OR51B4: variants seen among roughly 807,000 people sequenced by gnomAD.
OR51B4 encodes the protein olfactory receptor family 51 subfamily B member 4.
For synonymous variants in OR51B4, 147 were observed against 140.8 expected, an observed-to-expected ratio of 1.04 and a Z score of -0.31; for missense variants, 402 against 379.8, an observed-to-expected ratio of 1.06 and a Z score of -0.49.
rs139788658 is a variant in OR51B4, at chr11:5,301,387, G to C, written c.560C>G (p.Ala187Gly). The C allele has an allele frequency of 6.3e-5, 102 of 1,614,106 alleles. No homozygotes were observed. Among genetic ancestry groups the C allele is most frequent in the Admixed American group, 4.5e-4 (27 of 60,006 alleles). ...ATATATGTGATTAAACGTGATATCA[G>C]CACAGGCGAGTTTTATGACATCTTG... Reference protein sequence around the residue: ...LHQDVIKLACADITFNHIYPI... With the variant: ...LHQDVIKLACGDITFNHIYPI... The change falls in exon 1 of 1, where the codon GCT becomes GGT. Residue 187 changes from alanine (A) to glycine (G), a missense_variant. Coordinates refer to ENST00000380224, the MANE Select transcript of OR51B4 (RefSeq NM_033179.2).
Position 5,301,038 on chromosome 11 carries a change from T to A in OR51B4, c.909A>T (p.Leu303=), listed in dbSNP as rs766151381. The change falls in exon 1 of 1, where the codon CTA becomes CTT. Residue 303 remains leucine (L), a synonymous_variant. Transcript: ENST00000380224. ...CTCAAGCCCTACTCTGCCCAGAAAA[T>A]AGGCGAATAATGCTTCTTTGAATCT... ...TKQIQRSIIR[L]FSGQSRA 2 of 1,606,820 alleles carry A rather than the reference T, an allele frequency of 1.2e-6. No individual in the cohort carries two copies. The highest frequency in any genetic ancestry group is 1.7e-6 in the Non-Finnish European group (2 of 1,176,742).
In OR51B4 at chr11:5,301,232, C is replaced by T. The variant is rs1309799649; in HGVS notation, c.715G>A (p.Val239Ile). The T allele has an allele frequency of 5.6e-6, 9 of 1,613,918 alleles. No individual in the cohort carries two copies. The highest frequency in any genetic ancestry group is 3.3e-5 in the Admixed American group (2 of 59,992). ...ACTAGGACACAGCTAATATGGGAGA[C>T]ACAAGTGTTGAGAGATTTAGCTTCC... ...QEEAKSLNTC[V>I]SHISCVLVFH... Residue 239 changes from valine to isoleucine, a missense_variant, in exon 1 of 1, where the codon GTC becomes ATC. Transcript: ENST00000380224.
In OR51B4 at chr11:5,301,456, G is replaced by A; in HGVS notation, c.491C>T (p.Pro164Leu). The A allele has an allele frequency of 1.9e-6, 3 of 1,614,168 alleles. No homozygotes were observed. The highest frequency in any genetic ancestry group is 2.2e-5 in the East Asian group (1 of 44,880). The change falls in exon 1 of 1, where the codon CCA (proline) becomes CTA (leucine). Residue 164 changes from proline to leucine, a missense_variant. Transcript: ENST00000380224. Reference protein sequence around the residue: ...LPIILSLYCYPYCGSRALLHT... With the variant: ...LPIILSLYCYLYCGSRALLHT... ...CAAGAGGGCACGGGAACCACAATAT[G>A]GGTAGCAGTAGAGTGAAAGAATTAT...
In OR51B4 at chr11:5,301,019, C is replaced by G. The variant is rs114544023; in HGVS notation, c.928G>C (p.Ala310Pro). ...TGAGATTCTGAAATAAGGGCTCAAGCCCTACTCTGCCCAGAAAATAGGCGA... is the reference window on the plus strand; with the variant it reads ...TGAGATTCTGAAATAAGGGCTCAAGGCCTACTCTGCCCAGAAAATAGGCGA... ...IIRLFSGQSR[A>P] The change falls in exon 1 of 1, where the codon GCT becomes CCT. Residue 310 changes from alanine to proline, a missense_variant. Ala to Pro is a conservative substitution (Grantham distance 27, BLOSUM62 -1). Transcript: ENST00000380224. 4.3e-4 allele frequency: 677 copies of G among 1,590,138 alleles called. 6 individuals are homozygous for G. In the East Asian group the frequency reaches 0.013, roughly 30 times the overall value.
rs57211922 is a variant in OR51B4 at position 5,301,376 on chromosome 11, A to G, written c.571T>C (p.Phe191Leu). ...VIKLACADIT[F>L]NHIYPIIQTS... Reference sequence around the variant, plus strand: ...TGAATAATTGGATATATGTGATTAAACGTGATATCAGCACAGGCGAGTTTT... The same window carrying G: ...TGAATAATTGGATATATGTGATTAAGCGTGATATCAGCACAGGCGAGTTTT... The change falls in exon 1 of 1, where the codon TTT becomes CTT. Residue 191 changes from phenylalanine to leucine, a missense_variant. Coordinates refer to ENST00000380224, the MANE Select transcript of OR51B4 (RefSeq NM_033179.2). The G allele has an allele frequency of 9.1e-4, 1,473 of 1,614,082 alleles. 7 individuals carry two copies. Among genetic ancestry groups the G allele is most frequent in the African/African-American group, 8.8e-3 (657 of 75,032 alleles).
chr11:5,301,380 G>C lies in OR51B4; in HGVS notation c.567C>G (p.Ile189Met), dbSNP rs751864273. 1 of 1,614,084 alleles carries C rather than the reference G, an allele frequency of 6.2e-7. No homozygotes were observed. Among genetic ancestry groups the C allele is most frequent in the Non-Finnish European group, 8.5e-7 (1 of 1,179,992 alleles). ...QDVIKLACAD[I>M]TFNHIYPIIQ... ...TAATTGGATATATGTGATTAAACGTGATATCAGCACAGGCGAGTTTTATGA... is the reference window on the plus strand; with the variant it reads ...TAATTGGATATATGTGATTAAACGTCATATCAGCACAGGCGAGTTTTATGA... Residue 189 changes from isoleucine to methionine, a missense_variant, in exon 1 of 1, where the codon ATC (isoleucine) becomes ATG (methionine). Coordinates refer to ENST00000380224, the MANE Select transcript of OR51B4 (RefSeq NM_033179.2).
rs140490779 is a variant in OR51B4, at chr11:5,301,672, T to C, written c.275A>G (p.His92Arg). 871 of 1,614,082 alleles carry C rather than the reference T, an allele frequency of 5.4e-4. No homozygotes were observed. The highest frequency in any genetic ancestry group is 7.1e-4 in the Non-Finnish European group (835 of 1,180,040). Residue 92 changes from histidine (H) to arginine (R), a missense_variant, in exon 1 of 1, where the codon CAT becomes CGT. His to Arg is a conservative substitution (Grantham distance 29). Coordinates refer to ENST00000380224, the MANE Select transcript of OR51B4 (RefSeq NM_033179.2). Reference sequence around the variant, plus strand: ...GAAGGATTGGGTGAAACAGGCAGCATGGGCAATCTCCCTCTGGTCTAGCAG... The same window carrying C: ...GAAGGATTGGGTGAAACAGGCAGCACGGGCAATCTCCCTCTGGTCTAGCAG... ...VLLLDQREIA[H>R]AACFTQSFIH...
chr11:5,301,588 A>C lies in OR51B4; in HGVS notation c.359T>G (p.Phe120Cys). 6.2e-7 allele frequency: 1 copy of C among 1,614,182 alleles called. No homozygotes were observed. Among genetic ancestry groups the C allele is most frequent in the Non-Finnish European group, 8.5e-7 (1 of 1,180,042 alleles). ...GILLVLAYDCFIAIRTPLRYN... is the reference protein window; with the variant it reads ...GILLVLAYDCCIAIRTPLRYN... The stretch of plus-strand genomic sequence containing the variant: ...CCTCAGTGGTGTGCGGATGGCAATG[A>C]AACAGTCATAGGCCAAAACAAGCAA... Residue 120 changes from phenylalanine (F) to cysteine (C), a missense_variant, in exon 1 of 1, where the codon TTC becomes TGC. Phe to Cys is a radical substitution (Grantham distance 205). Transcript: ENST00000380224.
chr11:5,301,800 A>C lies in OR51B4; in HGVS notation c.147T>G (p.Asn49Lys). Residue 49 changes from asparagine (N) to lysine (K), a missense_variant, in exon 1 of 1, where the codon AAT becomes AAG. By Grantham distance (94) the Asn-to-Lys change is moderately conservative. Coordinates refer to ENST00000380224, the MANE Select transcript of OR51B4 (RefSeq NM_033179.2). ...GNGTLLVLIWNDHSLHEPMYY... is the reference protein window; with the variant it reads ...GNGTLLVLIWKDHSLHEPMYY... ...ACATGGGCTCATGGAGGCTGTGATC[A>C]TTCCAAATGAGGACAAGAAGAGTGC... 6.2e-7 allele frequency: 1 copy of C among 1,614,168 alleles called. No individual in the cohort carries two copies. Among genetic ancestry groups the C allele is most frequent in the Non-Finnish European group, 8.5e-7 (1 of 1,180,040 alleles).
At position 5,301,578 on chromosome 11, in the gene OR51B4, G is replaced by T. The variant is rs1271905757; in HGVS notation, c.369C>A (p.Ile123=). 1 of 1,614,156 alleles carries T rather than the reference G, an allele frequency of 6.2e-7. No homozygotes were observed. The highest frequency in any genetic ancestry group is 8.5e-7 in the Non-Finnish European group (1 of 1,180,036). Reference sequence around the variant, plus strand: ...TGCAGTTGTACCTCAGTGGTGTGCGGATGGCAATGAAACAGTCATAGGCCA... The same window carrying T: ...TGCAGTTGTACCTCAGTGGTGTGCGTATGGCAATGAAACAGTCATAGGCCA... The part of the protein sequence containing the change: ...LVLAYDCFIA[I]RTPLRYNCIL... The change falls in exon 1 of 1, where the codon ATC becomes ATA. Residue 123 remains isoleucine, a synonymous_variant. Transcript: ENST00000380224.
Position 5,301,339 on chromosome 11 carries a change from G to C in OR51B4, c.608C>G (p.Thr203Ser). ...HIYPIIQTSLTVFLDALIIIF... is the reference protein window; with the variant it reads ...HIYPIIQTSLSVFLDALIIIF... The stretch of plus-strand genomic sequence containing the variant: ...GATGATTAGAGCATCTAAAAAGACA[G>C]TCAAAGAAGTCTGAATAATTGGATA... The change falls in exon 1 of 1, where the codon ACT becomes AGT. Residue 203 changes from threonine to serine, a missense_variant. Physicochemically the swap from Thr to Ser is moderately conservative, Grantham distance 58. Transcript: ENST00000380224. 1 of 1,614,026 alleles carries C rather than the reference G, an allele frequency of 6.2e-7. No homozygotes were observed. Among genetic ancestry groups the C allele is most frequent in the South Asian group, 1.1e-5 (1 of 91,076 alleles).
rs376911770 is a variant in OR51B4 at position 5,301,481 on chromosome 11, T to C, written c.466A>G (p.Ile156Val). The C allele has an allele frequency of 6.2e-6, 10 of 1,614,034 alleles. No homozygotes were observed. Among genetic ancestry groups the C allele is most frequent in the Non-Finnish European group, 6.8e-6 (8 of 1,180,010 alleles). The change falls in exon 1 of 1, where the codon ATA becomes GTA. Residue 156 changes from isoleucine to valine, a missense_variant. Coordinates refer to ENST00000380224, the MANE Select transcript of OR51B4 (RefSeq NM_033179.2). ...GGGTAGCAGTAGAGTGAAAGAATTA[T>C]GGGCAAAATGGACATAAAACCTCTC... The part of the protein sequence containing the change: ...LMRGFMSILP[I>V]ILSLYCYPYC...
Position 5,301,789 on chromosome 11 carries a change from A to T in OR51B4, c.158T>A (p.Leu53His), listed in dbSNP as rs1297522258. 1 of 1,614,148 alleles carries T rather than the reference A, an allele frequency of 6.2e-7. No individual in the cohort carries two copies. Among genetic ancestry groups the T allele is most frequent in the Admixed American group, 1.7e-5 (1 of 60,012 alleles). Residue 53 changes from leucine (L) to histidine (H), a missense_variant, in exon 1 of 1, where the codon CTC becomes CAC. Coordinates refer to ENST00000380224, the MANE Select transcript of OR51B4 (RefSeq NM_033179.2). ...LLVLIWNDHS[L>H]HEPMYYFLAM... ...CAGGAAGTAGTACATGGGCTCATGG[A>T]GGCTGTGATCATTCCAAATGAGGAC...
At position 5,301,827 on chromosome 11, in the gene OR51B4, A is replaced by C. The variant is rs138033382; in HGVS notation, c.120T>G (p.Asn40Lys). The C allele has an allele frequency of 1.7e-4, 269 of 1,613,982 alleles. 2 individuals are homozygous for C. The African/African-American group carries it at 3.3e-3, about 20-fold the overall frequency. Residue 40 changes from asparagine to lysine, a missense_variant, in exon 1 of 1, where the codon AAT (asparagine) becomes AAG (lysine). By Grantham distance (94) the Asn-to-Lys change is moderately conservative (BLOSUM62 0). Transcript: ENST00000380224. ...FVIYFSVLFG[N>K]GTLLVLIWND... ...TCCAAATGAGGACAAGAAGAGTGCC[A>C]TTTCCAAAAAGGACGGAGAAGTAGA...
At position 5,301,125 on chromosome 11, in the gene OR51B4, G is replaced by A; in HGVS notation, c.822C>T (p.Ser274=). ...ATGGAGGAAAGAGAAAATGGACATA[G>A]CTCATGGTAATGGGGACCACATGAG... ...HAPHVVPITM[S]YVHFLFPPFV... The change falls in exon 1 of 1, where the codon AGC becomes AGT. Residue 274 remains serine (S), a synonymous_variant. Coordinates refer to ENST00000380224, the MANE Select transcript of OR51B4 (RefSeq NM_033179.2). 2 of 1,613,558 alleles carry A rather than the reference G, an allele frequency of 1.2e-6. No individual in the cohort carries two copies. Among genetic ancestry groups the A allele is most frequent in the Non-Finnish European group, 1.7e-6 (2 of 1,179,548 alleles).
Position 5,301,466 on chromosome 11 carries a change from A to G in OR51B4, c.481T>C (p.Tyr161His), listed in dbSNP as rs774549553. 5.0e-6 allele frequency: 8 copies of G among 1,614,226 alleles called. 2 individuals are homozygous for G. The South Asian group carries it at 7.7e-5, about 16-fold the overall frequency. Reference sequence around the variant, plus strand: ...CGGGAACCACAATATGGGTAGCAGTAGAGTGAAAGAATTATGGGCAAAATG... The same window carrying G: ...CGGGAACCACAATATGGGTAGCAGTGGAGTGAAAGAATTATGGGCAAAATG... ...MSILPIILSL[Y>H]CYPYCGSRAL... The change falls in exon 1 of 1, where the codon TAC becomes CAC. Residue 161 changes from tyrosine (Y) to histidine (H), a missense_variant. Coordinates refer to ENST00000380224, the MANE Select transcript of OR51B4 (RefSeq NM_033179.2).
Position 5,301,269 on chromosome 11 carries a change from C to G in OR51B4, c.678G>C (p.Ala226=). ...GAGATTTAGCTTCCTCTTGTCCAGACGCAATGCCCATCACTGTCTTGAGGA... is the reference window on the plus strand; with the variant it reads ...GAGATTTAGCTTCCTCTTGTCCAGAGGCAATGCCCATCACTGTCTTGAGGA... ...ILILKTVMGI[A]SGQEEAKSLN... is the part of the protein sequence containing the mutation. Residue 226 remains alanine (A), a synonymous_variant, in exon 1 of 1, where the codon GCG becomes GCC. Transcript: ENST00000380224. 1 of 1,613,922 alleles carries G rather than the reference C, an allele frequency of 6.2e-7. No homozygotes were observed.
At position 5,301,357 on chromosome 11, in the gene OR51B4, A is replaced by G; in HGVS notation, c.590T>C (p.Ile197Thr). The change falls in exon 1 of 1, where the codon ATT becomes ACT. Residue 197 changes from isoleucine to threonine, a missense_variant. Physicochemically the swap from Ile to Thr is moderately conservative, Grantham distance 89. Coordinates refer to ENST00000380224, the MANE Select transcript of OR51B4 (RefSeq NM_033179.2). ...AAAGACAGTCAAAGAAGTCTGAATAATTGGATATATGTGATTAAACGTGAT... is the reference window on the plus strand; with the variant it reads ...AAAGACAGTCAAAGAAGTCTGAATAGTTGGATATATGTGATTAAACGTGAT... ...ADITFNHIYP[I>T]IQTSLTVFLD... 1 of 1,614,072 alleles carries G rather than the reference A, an allele frequency of 6.2e-7. No individual in the cohort carries two copies. The highest frequency in any genetic ancestry group is 1.3e-5 in the African/African-American group (1 of 75,048).
Position 5,301,137 on chromosome 11 carries a change from G to A in OR51B4, c.810C>T (p.Pro270=). Residue 270 remains proline (P), a synonymous_variant, in exon 1 of 1, where the codon CCC becomes CCT. Transcript: ENST00000380224. Reference sequence around the variant, plus strand: ...GAAAATGGACATAGCTCATGGTAATGGGGACCACATGAGGTGCATGTTTCC... The same window carrying A: ...GAAAATGGACATAGCTCATGGTAATAGGGACCACATGAGGTGCATGTTTCC... The part of the protein sequence containing the change: ...RFGKHAPHVV[P]ITMSYVHFLF... The A allele has an allele frequency of 6.2e-7, 1 of 1,613,652 alleles. No homozygotes were observed. The highest frequency in any genetic ancestry group is 8.5e-7 in the Non-Finnish European group (1 of 1,179,626).
Sources: allele counts gnomAD v4.1 joint callset, GRCh38; gene constraint gnomAD v4.1.1; transcripts MANE v1.5; gene names NCBI Gene and HGNC (gene_info 2026-07-23, HGNC 2026-07-21).